MLN: variants seen among roughly 807,000 people sequenced by gnomAD.
MLN encodes promotilin.
A neutral mutation model predicts 13.3 loss-of-function variants in MLN; 14 were observed. The observed-to-expected ratio is 1.05, with a 90% CI of 0.69 to 1.64. The LOEUF (loss-of-function observed/expected upper bound fraction) is 1.64. Among genes scored for constraint, MLN ranks in the 40% most tolerant of loss-of-function variants. The pLI, the probability that MLN is intolerant of heterozygous loss-of-function variation, is 0.00. For missense variants in MLN, 122 were observed against 142.9 expected (o/e 0.85, Z 0.75); for synonymous variants, 59 against 54.7 (o/e 1.08, Z -0.34).
intron 3 of MLN, among the ~76,000 whole-genome samples, chr6:33,796,100 C>G (rs1767913193): frequency 6.6e-6 from 1 of 152,090 alleles, no homozygotes; most frequent in South Asian, 2.1e-4. Context: ...GCTGGGACTA[C>G]AGGCGCCCGC....
intron 3 of MLN, among the ~76,000 whole-genome samples, chr6:33,796,646 T>G (rs570528892): frequency 4.6e-5 from 7 of 152,314 alleles, no homozygotes; most frequent in Non-Finnish European, 1.0e-4. Flanking sequence ...TCCTAGACGC[T>G]TGGGGGCTCA....
chr6:33,798,007 C>T (rs1022968705), intron 3 of MLN, among the ~76,000 whole-genome samples: 2 of 152,236 alleles, frequency 1.3e-5, no homozygotes, highest in Non-Finnish European at 2.9e-5. Flanking sequence ...TTGGCACTGG[C>T]TGTTGCTTCC....
intron 2 of MLN, among the ~76,000 whole-genome samples, chr6:33,800,027 T>C (rs1213039623): frequency 1.3e-5 from 2 of 152,124 alleles, no homozygotes; most frequent in African/African-American, 4.8e-5. Flanking sequence ...CCTGCTGCAG[T>C]ACCTACCCAG....
chr6:33,795,675 G>A, intron 3 of MLN, 70 bp from the exon 4 acceptor site: 5 of 1,324,998 alleles, frequency 3.8e-6, no homozygotes, highest in Non-Finnish European at 5.3e-6. Flanking sequence ...GTGCACTACA[G>A]GTGGCAGGAG....
chr6:33,802,025 A>C (rs1020280517), intron 1 of MLN, among the ~76,000 whole-genome samples: 5 of 151,650 alleles, frequency 3.3e-5, no homozygotes, highest in African/African-American at 1.2e-4. Context: ...GAAAGGGTCC[A>C]CTGGGCAGAC....
chr6:33,797,573 A>G (rs961776004), intron 3 of MLN, among the ~76,000 whole-genome samples: 2 of 152,188 alleles, frequency 1.3e-5, no homozygotes, highest in African/African-American at 4.8e-5. Context: ...AAACCCTTGA[A>G]GTCAATTTTC....
Position 33,799,303 on chromosome 6 carries a change from G to T in MLN, c.118-82C>A, listed in dbSNP as rs1767995003. 2 of 984,756 alleles carry T rather than the reference G, an allele frequency of 2.0e-6. No homozygotes were observed. The highest frequency in any genetic ancestry group is 1.6e-5 in the African/African-American group (1 of 62,384). The allele number at this position is 984,756 out of a possible 1,614,324, so 61.0% of individuals were successfully genotyped here. ...CCCCTTGCCTGTCTCCATCTGCCCA[G>T]GGTGCTGTCTGCCCTGAGCTCCCTA... On this transcript the variant is annotated intron_variant, in intron 2 of 4. Coordinates refer to ENST00000430124, the MANE Select transcript of MLN (RefSeq NM_002418.3). The surrounding 1 kb of genome is among the most constrained non-coding windows in gnomAD (Gnocchi z 4.6).
chr6:33,794,968 G>A, intron 4 of MLN, 133 bp from the exon 5 acceptor site: 1 of 1,099,626 alleles, frequency 9.1e-7, no homozygotes, highest in Non-Finnish European at 1.3e-6. Flanking sequence ...GGGAAGTTTT[G>A]CAAGGAGCCT....
chr6:33,796,988 C>T (rs561758077), intron 3 of MLN, among the ~76,000 whole-genome samples: 22 of 152,342 alleles, frequency 1.4e-4, no homozygotes, highest in Admixed American at 1.4e-3. Flanking sequence ...CTGCTGGATT[C>T]CCTCCCAGCT....
In MLN at chr6:33,799,037, T is replaced by A; in HGVS notation, c.234+68A>T. 2.6e-6 allele frequency: 3 copies of A among 1,164,284 alleles called. No homozygotes were observed. In the South Asian group the frequency reaches 4.1e-5, roughly 16 times the overall value. The allele number at this position is 1,164,284 out of a possible 1,614,324, so 72.1% of individuals were successfully genotyped here. A position where few individuals can be genotyped will look rare whatever the true frequency, so the allele number is the denominator to read the frequency against. On this transcript the variant is annotated intron_variant, in intron 3 of 4. Transcript: ENST00000430124. This position sits in a 1 kb window ranked among gnomAD's most constrained non-coding sequence, Gnocchi z 4.6. ...CTCACTGTGGCTTGTGGGCTCTGCCTCCAGGCCAGGCAGGGGAATGCATGC... is the reference window on the plus strand; with the variant it reads ...CTCACTGTGGCTTGTGGGCTCTGCCACCAGGCCAGGCAGGGGAATGCATGC...
In MLN at chr6:33,794,686, CT is replaced by C; in HGVS notation, c.*138del. The stretch of plus-strand genomic sequence containing the variant: ...AAGAGTCATTTCTGTATATTTCATG[CT>C]TTATTTGCTGGAGGGGAATTTGCTT... On this transcript the variant is annotated 3_prime_UTR_variant, in exon 5 of 5. Transcript: ENST00000430124. The C allele has an allele frequency of 2.2e-6, 2 of 907,026 alleles. No individual in the cohort carries two copies. Among genetic ancestry groups the C allele is most frequent in the Non-Finnish European group, 1.6e-6 (1 of 609,956 alleles). 56.2% of individuals were successfully genotyped at this position (907,026 alleles called of 1,614,324 possible). A position where few individuals can be genotyped will look rare whatever the true frequency, so the allele number is the denominator to read the frequency against.
rs148230935 is a variant in MLN at position 33,801,160 on chromosome 6, C to G, written c.4G>C (p.Val2Leu). ...AGAGCAGCCACAGCCTTACGGGATA[C>G]CATCTTGGAGCTGGACAATGACAAG... Reference protein sequence around the residue: MVSRKAVAALLV... With the variant: MLSRKAVAALLV... Residue 2 changes from valine to leucine, a missense_variant, in exon 2 of 5, where the codon GTA becomes CTA. By Grantham distance (32) the Val-to-Leu change is conservative. Coordinates refer to ENST00000430124, the MANE Select transcript of MLN (RefSeq NM_002418.3). 27 of 1,612,420 alleles carry G rather than the reference C, an allele frequency of 1.7e-5. No homozygotes were observed. The highest frequency in any genetic ancestry group is 2.2e-5 in the Non-Finnish European group (26 of 1,178,644).
In MLN at chr6:33,803,307, C is replaced by CTTTTTTT. The variant is rs535908944; in HGVS notation, c.-8+639_-8+645dup. On this transcript the variant is annotated intron_variant, in intron 1 of 4. Coordinates refer to ENST00000430124, the MANE Select transcript of MLN (RefSeq NM_002418.3). This position sits in a 1 kb window ranked among gnomAD's most constrained non-coding sequence, Gnocchi z 4.5. ...CTTTTTCTTTTCCTTTTCTTTTCTT[C>CTTTTTTT]TTTTTTTTTTTTTTTTCTGAGATGG... Among the ~76,000 whole-genome samples, 1 of 136,148 alleles carries CTTTTTTT rather than the reference C, an allele frequency of 7.3e-6. No homozygotes were observed. The highest frequency in any genetic ancestry group is 1.6e-5 in the Non-Finnish European group (1 of 64,064). 89.3% of individuals were successfully genotyped at this position (136,148 alleles called of 152,430 possible). A position where few individuals can be genotyped will look rare whatever the true frequency, so the allele number is the denominator to read the frequency against.
intron 1 of MLN, among the ~76,000 whole-genome samples, chr6:33,802,565 G>A (rs1258250827): frequency 2.6e-5 from 4 of 152,158 alleles, no homozygotes; most frequent in Non-Finnish European, 4.4e-5. Flanking sequence ...CACGCCAGAC[G>A]CTCCCTCTGC....
At chr6:33,800,989 G>C (rs150942436) in intron 2 of MLN, 58 bp downstream of exon 2, 4 of 1,325,424 alleles carry the variant, frequency 3.0e-6, no homozygotes, top group Non-Finnish European at 4.3e-6. Flanking sequence ...TGGTATCACC[G>C]GCATAGGTCA....
intron 3 of MLN, 58 bp from the exon 4 acceptor site, chr6:33,795,663 G>C (rs1767898482): frequency 6.9e-7 from 1 of 1,445,344 alleles, no homozygotes; most frequent in Non-Finnish European, 9.5e-7. Flanking sequence ...CTTAACCCCT[G>C]GGTGCACTAC....
intron 2 of MLN, among the ~76,000 whole-genome samples, chr6:33,800,624 G>A (rs1193195931): frequency 6.6e-6 from 1 of 152,198 alleles, no homozygotes; most frequent in Non-Finnish European, 1.5e-5. Flanking sequence ...CACTGATGGG[G>A]CAATTCATCA....
Position 33,803,307 on chromosome 6 carries a change from C to CTTCT in MLN, c.-8+645_-8+646insAGAA, listed in dbSNP as rs1760896122. Among the ~76,000 whole-genome samples the CTTCT allele has an allele frequency of 1.5e-5, 2 of 136,148 alleles. No homozygotes were observed. 89.3% of individuals were successfully genotyped at this position (136,148 alleles called of 152,430 possible). On this transcript the variant is annotated intron_variant, in intron 1 of 4. Coordinates refer to ENST00000430124, the MANE Select transcript of MLN (RefSeq NM_002418.3). This position sits in a 1 kb window ranked among gnomAD's most constrained non-coding sequence, Gnocchi z 4.5. The stretch of plus-strand genomic sequence containing the variant: ...CTTTTTCTTTTCCTTTTCTTTTCTT[C>CTTCT]TTTTTTTTTTTTTTTTCTGAGATGG...
At chr6:33,797,478 T>C (rs36122085) in intron 3 of MLN, among the ~76,000 whole-genome samples, 18,582 of 152,264 alleles carry the variant, frequency 0.12, 1,461 homozygotes, top group Middle Eastern at 0.22. Context: ...TCTGACTCCC[T>C]GATCTTCCTC....
Sources: allele counts gnomAD v4.1 joint callset (sites outside exome capture counted in the v4.1 genomes callset), GRCh38; gene constraint gnomAD v4.1.1; non-coding constraint Gnocchi (gnomAD v3.1); transcripts MANE v1.5; gene names NCBI Gene and HGNC (gene_info 2026-07-23, HGNC 2026-07-21).